The following PIK3C2A variants were observed in gnomAD, a reference collection of about 807,000 sequenced individuals.
PIK3C2A encodes phosphatidylinositol-4-phosphate 3-kinase catalytic subunit type 2 alpha.
A neutral mutation model predicts 204.5 loss-of-function variants in PIK3C2A; 97 were observed. The observed-to-expected ratio is 0.47, with a 90% CI of 0.40 to 0.56. The LOEUF (loss-of-function observed/expected upper bound fraction) is 0.56. PIK3C2A is among the 20% of genes least tolerant of loss of function. PIK3C2A has a pLI of 0.00. For missense variants in PIK3C2A, 1,735 were observed against 1,969.2 expected (o/e 0.88, Z 2.25); for synonymous variants, 653 against 664.4 (o/e 0.98, Z 0.26).
intron 24 of PIK3C2A, 42 bp from the exon 25 acceptor site, chr11:17,101,476 G>A (rs773334119): frequency 2.5e-6 from 3 of 1,207,010 alleles, no homozygotes; most frequent in Non-Finnish European, 3.5e-6. Flanking sequence ...ATTTACAGAA[G>A]ATACTCCAAT....
Position 17,117,571 on chromosome 11 carries a change from G to A in PIK3C2A, c.3136C>T (p.Leu1046Phe), listed in dbSNP as rs772005081. 2 of 1,613,580 alleles carry A rather than the reference G, an allele frequency of 1.2e-6. No individual in the cohort carries two copies. The highest frequency in any genetic ancestry group is 2.7e-5 in the African/African-American group (2 of 74,850). The change falls in exon 19 of 33, where the codon CTT becomes TTT. Residue 1046 changes from leucine (L) to phenylalanine (F), a missense_variant. Coordinates refer to ENST00000691414, the MANE Select transcript of PIK3C2A (RefSeq NM_002645.4). ...TGTACAAGTTTCGTCTGTTTTAGAA[G>A]TTCTTCTCTAAGTCGTTTTCCTCCT... ...SVGGKRLREE[L>F]LKQTKLVQLL...
intron 1 of PIK3C2A, among the ~76,000 whole-genome samples, chr11:17,201,387 C>T (rs1187983677): frequency 1.3e-5 from 2 of 149,890 alleles, no homozygotes; most frequent in Non-Finnish European, 3.0e-5. Context: ...ATTAGCCGGG[C>T]GTGGTGACGT....
At chr11:17,185,780 C>A (rs1427940004) in intron 1 of PIK3C2A, among the ~76,000 whole-genome samples, 1 of 152,156 alleles carries the variant, frequency 6.6e-6, no homozygotes, top group Non-Finnish European at 1.5e-5. Context: ...CCATCCTAGA[C>A]CAATTAATCA....
rs985991215 is a variant in PIK3C2A, at chr11:17,087,063, G to A, written c.*2675C>T. 1 of 152,120 alleles carries A rather than the reference G, an allele frequency of 6.6e-6. No homozygotes were observed. The highest frequency in any genetic ancestry group is 2.4e-5 in the African/African-American group (1 of 41,428). 9.4% of individuals were successfully genotyped at this position (152,120 alleles called of 1,614,324 possible). On this transcript the variant is annotated 3_prime_UTR_variant, in exon 33 of 33. Coordinates refer to ENST00000691414, the MANE Select transcript of PIK3C2A (RefSeq NM_002645.4). ...GGTTCCTCAGTAGAGAAAATAATAG[G>A]TTCTTTGAGTGAACCATTATCTTCA...
At chr11:17,146,377 C>A (rs184841444) in intron 6 of PIK3C2A, among the ~76,000 whole-genome samples, 42 of 152,058 alleles carry the variant, frequency 2.8e-4, no homozygotes, top group Admixed American at 7.2e-4. Context: ...ACAAGGTACT[C>A]GCTCTTCTAC....
Position 17,158,302 on chromosome 11 carries a change from C to T in PIK3C2A, c.1066-2673G>A, listed in dbSNP as rs368641213. 3.6e-4 allele frequency among the ~76,000 whole-genome samples: 54 copies of T among 151,076 alleles called. 1 individual carries two copies. The South Asian group carries it at 0.01, about 29-fold the overall frequency. ...GGCGGAGGTTGCAGTGAGCCGAGATCGTGCCATTGTACTCCAGCCTGGGCA... is the reference window on the plus strand; with the variant it reads ...GGCGGAGGTTGCAGTGAGCCGAGATTGTGCCATTGTACTCCAGCCTGGGCA... On this transcript the variant is annotated intron_variant, in intron 2 of 32. Transcript: ENST00000691414.
At chr11:17,101,684 A>G (rs902412297) in intron 24 of PIK3C2A, among the ~76,000 whole-genome samples, 3 of 150,958 alleles carry the variant, frequency 2.0e-5, no homozygotes, top group Non-Finnish European at 2.9e-5. Flanking sequence ...GCTCACTGCA[A>G]GCTCCGCCTC....
At chr11:17,137,807 A>G (rs1178681243) in intron 8 of PIK3C2A, among the ~76,000 whole-genome samples, 2 of 152,132 alleles carry the variant, frequency 1.3e-5, no homozygotes, top group Non-Finnish European at 1.5e-5. Context: ...TAGACCCTAT[A>G]AACATTTCTC....
At position 17,089,453 on chromosome 11, in the gene PIK3C2A, G is replaced by A. The variant is rs1270374405; in HGVS notation, c.*285C>T. 2.2e-5 allele frequency: 6 copies of A among 275,046 alleles called. No individual in the cohort carries two copies. The South Asian group carries it at 4.2e-4, about 19-fold the overall frequency. 17.0% of individuals were successfully genotyped at this position (275,046 alleles called of 1,614,324 possible). ...TGAACTGACATAGTACTGTCTCAAA[G>A]TCTTTTTCAGGAATTAGTATATATT... On this transcript the variant is annotated 3_prime_UTR_variant, in exon 33 of 33. Transcript: ENST00000691414.
At chr11:17,107,244 C>T (rs760382020) in intron 22 of PIK3C2A, among the ~76,000 whole-genome samples, 9 of 152,078 alleles carry the variant, frequency 5.9e-5, no homozygotes, top group East Asian at 1.9e-4. Flanking sequence ...ACCCAGGAGG[C>T]GGAGCTTGCA....
rs149552115 is a variant in PIK3C2A at position 17,114,450 on chromosome 11, T to G, written c.3232A>C (p.Ser1078Arg). The change falls in exon 20 of 33, where the codon AGT (serine) becomes CGT (arginine). Residue 1078 changes from serine (S) to arginine (R), a missense_variant. This residue lies in a region of PIK3C2A where 567 missense variants were observed against 576.0 expected (regional missense o/e 0.98). Coordinates refer to ENST00000691414, the MANE Select transcript of PIK3C2A (RefSeq NM_002645.4). The part of the protein sequence containing the change: ...GSARQVVLQR[S>R]MERVQSFFQK... ...AAAAAGGACTGTACTCGTTCCATAC[T>G]TCTTTGGAGAACAACCTATAGAAAG... 2 of 1,540,310 alleles carry G rather than the reference T, an allele frequency of 1.3e-6. No homozygotes were observed. The highest frequency in any genetic ancestry group is 1.8e-6 in the Non-Finnish European group (2 of 1,113,684).
intron 1 of PIK3C2A, among the ~76,000 whole-genome samples, chr11:17,181,547 C>T (rs866252834): frequency 6.7e-6 from 1 of 149,322 alleles, no homozygotes; most frequent in Non-Finnish European, 1.5e-5. Context: ...TAGGAAGATC[C>T]CTTGAGCCCA....
intron 1 of PIK3C2A, among the ~76,000 whole-genome samples, chr11:17,187,922 C>T (rs1251851868): frequency 6.6e-6 from 1 of 152,096 alleles, no homozygotes; most frequent in Admixed American, 6.5e-5. Flanking sequence ...AAGTCAATAA[C>T]TAAAAATGAG....
intron 1 of PIK3C2A, among the ~76,000 whole-genome samples, chr11:17,180,436 T>G (rs1267559378): frequency 6.6e-6 from 1 of 151,444 alleles, no homozygotes; most frequent in Non-Finnish European, 1.5e-5. Context: ...AAGAAAAAAT[T>G]TTTGCTATTC....
chr11:17,139,701 G>T (rs1331744769), intron 8 of PIK3C2A, among the ~76,000 whole-genome samples: 5 of 152,192 alleles, frequency 3.3e-5, no homozygotes, highest in Non-Finnish European at 5.9e-5. Context: ...AAACGTCCAT[G>T]TGGAAAATTC....
At chr11:17,162,870 T>A (rs938651032) in intron 2 of PIK3C2A, among the ~76,000 whole-genome samples, 1 of 152,198 alleles carries the variant, frequency 6.6e-6, no homozygotes, top group African/African-American at 2.4e-5. Flanking sequence ...TCTTTCTAAG[T>A]TCCTTTATAG....
At chr11:17,117,457 T>TA in intron 19 of PIK3C2A, 34 bp downstream of exon 19, 1 of 1,473,112 alleles carries the variant, frequency 6.8e-7, no homozygotes, top group Non-Finnish European at 9.4e-7. Flanking sequence ...CCTTTAACAT[T>TA]AACACATTTA....
chr11:17,106,229 T>A (rs576872772), intron 22 of PIK3C2A, among the ~76,000 whole-genome samples: 1 of 151,480 alleles, frequency 6.6e-6, no homozygotes, highest in South Asian at 2.1e-4. Flanking sequence ...CTGACCAACA[T>A]AGCAAAACCC....
chr11:17,201,959 T>C (rs905606431), intron 1 of PIK3C2A, among the ~76,000 whole-genome samples: 2 of 152,198 alleles, frequency 1.3e-5, no homozygotes, highest in Middle Eastern at 3.4e-3. Context: ...AGAGATTCAA[T>C]GAAAAGAATA....
Sources: allele counts gnomAD v4.1 joint callset (sites outside exome capture counted in the v4.1 genomes callset), GRCh38; gene constraint gnomAD v4.1.1; regional missense constraint gnomAD v4.1.1; transcripts MANE v1.5; gene names NCBI Gene and HGNC (gene_info 2026-07-23, HGNC 2026-07-21).